Variants in DGCR8 observed in about 807,000 individuals in gnomAD.
DGCR8 encodes the protein microprocessor complex subunit DGCR8.
In DGCR8, 14 loss-of-function variants were observed where a neutral mutation model predicts 78.5. That is an observed-to-expected ratio of 0.18 (90% CI 0.12 to 0.28). The LOEUF is 0.28. Ranked by LOEUF, DGCR8 falls within the 10% of genes least tolerant of loss-of-function variation. The pLI is 1.00. For synonymous variants in DGCR8, 399 were observed against 402.4 expected (o/e 0.99, Z 0.10); for missense variants, 702 against 1,022.5 (o/e 0.69, Z 4.28).
At position 20,106,658 on chromosome 22, in the gene DGCR8, A is replaced by T; in HGVS notation, c.1956A>T (p.Glu652Asp). 1 of 1,613,998 alleles carries T rather than the reference A, an allele frequency of 6.2e-7. No individual in the cohort carries two copies. ...TTCCTGGGAAAAACCAGAAGAGTGA[A>T]TACGTCATGGCGTGTGGCAAGCACA... ...EVVPGKNQKS[E>D]YVMACGKHTV... The change falls in exon 11 of 14, where the codon GAA becomes GAT. Residue 652 changes from glutamate (E) to aspartate (D), a missense_variant. Glu to Asp is a conservative substitution (Grantham distance 45, BLOSUM62 2). Around this residue, in one of 4 missense-constraint regions of DGCR8, gnomAD observed 225 missense variants for 427.7 expected, o/e 0.53. Coordinates refer to ENST00000351989, the MANE Select transcript of DGCR8 (RefSeq NM_022720.7).
chr22:20,100,841 G>C, intron 9 of DGCR8: 2 of 984,596 alleles, frequency 2.0e-6, no homozygotes, highest in Non-Finnish European at 2.4e-6. Context: ...CCTGTCTGGA[G>C]CTAGCGTCAT....
At chr22:20,084,210 T>C (rs2049451807) in intron 1 of DGCR8, among the ~76,000 whole-genome samples, 1 of 152,214 alleles carries the variant, frequency 6.6e-6, no homozygotes, top group Non-Finnish European at 1.5e-5. Flanking sequence ...ACATCCACCA[T>C]GCCTTGTCCC....
chr22:20,102,100 T>C (rs2049709822), intron 9 of DGCR8: 5 of 976,136 alleles, frequency 5.1e-6, no homozygotes, highest in Non-Finnish European at 6.1e-6. Flanking sequence ...TTTCATCTTA[T>C]TTTAAAATTT....
rs57117909 is a variant in DGCR8 at position 20,080,457 on chromosome 22, C to T, written c.-278+74C>T. Reference sequence around the variant, plus strand: ...CGGCCTGCGCGAGGGCGCGCCCTTCCCTCCCGCCTCCCTCCGGGACCGAGG... The same window carrying T: ...CGGCCTGCGCGAGGGCGCGCCCTTCTCTCCCGCCTCCCTCCGGGACCGAGG... On this transcript the variant is annotated intron_variant, in intron 1 of 13. Coordinates refer to ENST00000351989, the MANE Select transcript of DGCR8 (RefSeq NM_022720.7). 0.011 allele frequency: 10,405 copies of T among 981,984 alleles called. 814 individuals are homozygous for T. In the African/African-American group the frequency reaches 0.17, roughly 16 times the overall value. The allele number at this position is 981,984 out of a possible 1,614,324, so 60.8% of individuals were successfully genotyped here.
chr22:20,087,478 G>GA lies in DGCR8; in HGVS notation c.880+157_880+158insA, dbSNP rs2049500422. 6.6e-6 allele frequency among the ~76,000 whole-genome samples: 1 copy of GA among 152,158 alleles called. No homozygotes were observed. Among genetic ancestry groups the GA allele is most frequent in the Admixed American group, 6.5e-5 (1 of 15,276 alleles). On this transcript the variant is annotated intron_variant, in intron 3 of 13. Transcript: ENST00000351989. The surrounding 1 kb of genome is among the most constrained non-coding windows in gnomAD (Gnocchi z 4.1). ...AGAAATATCTGAGGAGGGAAACACA[G>GA]GATGGGAGGACGTCCTGATGCATGA...
In DGCR8 at chr22:20,111,184, C is replaced by T. The variant is rs746481024; in HGVS notation, c.*1076C>T. On this transcript the variant is annotated 3_prime_UTR_variant, in exon 14 of 14. Transcript: ENST00000351989. ...CTGGTGGCCCCTATGGGTGGGTGTG[C>T]GATGGAAATGTGTTCCTGCCGGAGT... The T allele has an allele frequency of 7.3e-5, 29 of 398,644 alleles. No homozygotes were observed. Among genetic ancestry groups the T allele is most frequent in the Middle Eastern group, 6.2e-4 (1 of 1,610 alleles). 24.7% of individuals were successfully genotyped at this position (398,644 alleles called of 1,614,324 possible).
At position 20,089,622 on chromosome 22, in the gene DGCR8, C is replaced by T; in HGVS notation, c.881-47C>T. ...GCAGGAGGTGCTGTGGCAACAATTC[C>T]AAGTGTTTTTACAGTGATTATAGGA... On this transcript the variant is annotated intron_variant, in intron 3 of 13. Transcript: ENST00000351989. The surrounding 1 kb of genome is among the most constrained non-coding windows in gnomAD (Gnocchi z 4.9). 6.2e-7 allele frequency: 1 copy of T among 1,603,888 alleles called. No individual in the cohort carries two copies. Among genetic ancestry groups the T allele is most frequent in the Non-Finnish European group, 8.5e-7 (1 of 1,173,118 alleles).
At chr22:20,105,081 G>A (rs1399860237) in intron 9 of DGCR8, among the ~76,000 whole-genome samples, 1 of 152,258 alleles carries the variant, frequency 6.6e-6, no homozygotes, top group African/African-American at 2.4e-5. Flanking sequence ...TCAAAGTGTG[G>A]TCTTTTTTGG....
At chr22:20,100,909 G>A (rs1175567560) in intron 9 of DGCR8, 20 of 890,312 alleles carry the variant, frequency 2.2e-5, no homozygotes, top group East Asian at 1.2e-4. Context: ...TGTGCCAGCC[G>A]CAAATGGGGG....
At chr22:20,105,615 G>A (rs1263510127) in intron 9 of DGCR8, among the ~76,000 whole-genome samples, 1 of 152,220 alleles carries the variant, frequency 6.6e-6, no homozygotes, top group Non-Finnish European at 1.5e-5. Context: ...CTTCCTGTGT[G>A]TTCTTGGGTT....
In DGCR8 at chr22:20,107,261, C is replaced by T. The variant is rs756432953; in HGVS notation, c.1997-10C>T. 3 of 1,614,018 alleles carry T rather than the reference C, an allele frequency of 1.9e-6. No homozygotes were observed. Among genetic ancestry groups the T allele is most frequent in the African/African-American group, 2.7e-5 (2 of 74,912 alleles). On this transcript the variant is annotated splice_polypyrimidine_tract_variant and intron_variant, in intron 11 of 13. Coordinates refer to ENST00000351989, the MANE Select transcript of DGCR8 (RefSeq NM_022720.7). ...GACCCCCTCTCCATGCTTGCTCTTT[C>T]TCTGTGTAGGTAAGAACAAGAGAGT...
intron 1 of DGCR8, among the ~76,000 whole-genome samples, chr22:20,082,390 A>G (rs9605057): frequency 0.28 from 42,121 of 151,196 alleles, 5,949 homozygotes; most frequent in South Asian, 0.3. Flanking sequence ...TTTTTGAGAC[A>G]GAGTCTCGCT....
chr22:20,095,650 A>G (rs1481037610), intron 9 of DGCR8, among the ~76,000 whole-genome samples: 1 of 152,214 alleles, frequency 6.6e-6, no homozygotes, highest in Non-Finnish European at 1.5e-5. Flanking sequence ...TTCAGGGAAG[A>G]CAATTTTTCC....
Position 20,110,172 on chromosome 22 carries a change from T to C in DGCR8, c.*64T>C, listed in dbSNP as rs2049820778. ...GCACTTCTGAGGAGACCAGCAGTCA[T>C]GCATCGTGCACCACAGTGTCAGGCC... On this transcript the variant is annotated 3_prime_UTR_variant, in exon 14 of 14. Transcript: ENST00000351989. 7 of 1,521,158 alleles carry C rather than the reference T, an allele frequency of 4.6e-6. No homozygotes were observed. Among genetic ancestry groups the C allele is most frequent in the Non-Finnish European group, 6.3e-6 (7 of 1,110,834 alleles). 94.2% of individuals were successfully genotyped at this position (1,521,158 alleles called of 1,614,324 possible). A position where few individuals can be genotyped will look rare whatever the true frequency, so the allele number is the denominator to read the frequency against.
chr22:20,092,040 C>A, intron 7 of DGCR8, 70 bp downstream of exon 7: 1 of 1,218,928 alleles, frequency 8.2e-7, no homozygotes, highest in Non-Finnish European at 1.2e-6. Context: ...GCTGGGGAGG[C>A]AGGCGCTGAC....
chr22:20,092,264 G>A (rs1405839111), intron 7 of DGCR8, among the ~76,000 whole-genome samples: 1 of 152,186 alleles, frequency 6.6e-6, no homozygotes, highest in African/African-American at 2.4e-5. Flanking sequence ...CTTATTGCGA[G>A]CAAGGCCTCC....
At chr22:20,081,695 C>T (rs2049419905) in intron 1 of DGCR8, among the ~76,000 whole-genome samples, 1 of 152,222 alleles carries the variant, frequency 6.6e-6, no homozygotes, top group African/African-American at 2.4e-5. Context: ...CCAGCCCTGG[C>T]CTCTCTTCTG....
chr22:20,110,881 C>G lies in DGCR8; in HGVS notation c.*773C>G, dbSNP rs528105996. On this transcript the variant is annotated 3_prime_UTR_variant, in exon 14 of 14. Coordinates refer to ENST00000351989, the MANE Select transcript of DGCR8 (RefSeq NM_022720.7). ...GACACTGAGGCCCTCTCTGCCTTTC[C>G]TGGCCTCCGGCAACAGTTTTTTACA... The G allele has an allele frequency of 8.8e-5, 24 of 272,816 alleles. No individual in the cohort carries two copies. The highest frequency in any genetic ancestry group is 1.3e-4 in the Non-Finnish European group (19 of 147,422). 16.9% of individuals were successfully genotyped at this position (272,816 alleles called of 1,614,324 possible). A position where few individuals can be genotyped will look rare whatever the true frequency, so the allele number is the denominator to read the frequency against.
At chr22:20,100,759 G>C (rs1400157872) in intron 9 of DGCR8, 1 of 985,290 alleles carries the variant, frequency 1.0e-6, no homozygotes, top group Non-Finnish European at 1.2e-6. Context: ...TGGGGCATGT[G>C]GTGGCTTCCG....
Sources: gnomAD v4.1 joint callset for allele counts (sites outside exome capture counted in the v4.1 genomes callset) on GRCh38, gnomAD v4.1.1 for gene constraint, gnomAD v4.1.1 regional missense constraint, Gnocchi (gnomAD v3.1) non-coding constraint, MANE v1.5 for transcripts, NCBI Gene and HGNC (gene_info 2026-07-23, HGNC 2026-07-21) for gene names.